LRMDA: variants seen among roughly 807,000 people sequenced by gnomAD.
LRMDA encodes leucine-rich melanocyte differentiation-associated protein.
A neutral mutation model predicts 29.8 loss-of-function variants in LRMDA; 18 were observed. The ratio of observed to expected loss-of-function variants is 0.60; its 90% confidence interval spans 0.42 to 0.90. LRMDA has a LOEUF of 0.90. Ranked by LOEUF, LRMDA falls within the 40% of genes least tolerant of loss-of-function variation. The pLI is 0.00. For missense variants in LRMDA, 273 were observed against 273.9 expected, an observed-to-expected ratio of 1.00 and a Z score of 0.02; for synonymous variants, 125 against 109.4, an observed-to-expected ratio of 1.14 and a Z score of -0.89.
chr10:76,298,104 G>A (rs967789532), intron 5 of LRMDA, among the ~76,000 whole-genome samples: 1 of 152,214 alleles, frequency 6.6e-6, no homozygotes, highest in Non-Finnish European at 1.5e-5. Flanking sequence ...CATGCCTTGC[G>A]AGCAACAAAA....
At chr10:75,688,303 A>G (rs911775976) in intron 2 of LRMDA, among the ~76,000 whole-genome samples, 24 of 152,372 alleles carry the variant, frequency 1.6e-4, no homozygotes, top group African/African-American at 5.3e-4. Context: ...CATGAGAGGA[A>G]TCATAAAATA....
intron 2 of LRMDA, among the ~76,000 whole-genome samples, chr10:75,593,659 A>G (rs1840749859): frequency 2.0e-5 from 3 of 152,256 alleles, no homozygotes; most frequent in Admixed American, 2.0e-4. Flanking sequence ...CCCCTTAACA[A>G]TTACAGATTT....
chr10:75,803,373 C>T lies in LRMDA; in HGVS notation c.132-232635C>T, dbSNP rs184262458. Among the ~76,000 whole-genome samples, 24 of 152,304 alleles carry T rather than the reference C, an allele frequency of 1.6e-4. No individual in the cohort carries two copies. In the East Asian group the frequency reaches 3.9e-3, roughly 24 times the overall value. On this transcript the variant is annotated intron_variant, in intron 2 of 6. Coordinates refer to ENST00000611255, the MANE Select transcript of LRMDA (RefSeq NM_001305581.2). ...AGATGAGGAAGCACATAGTATCATT[C>T]GGCCTTTTATACAGGTCCACTGGTT...
At chr10:76,533,671 A>G (rs1843260615) in intron 6 of LRMDA, among the ~76,000 whole-genome samples, 2 of 152,242 alleles carry the variant, frequency 1.3e-5, no homozygotes, top group East Asian at 1.9e-4. Context: ...TTATACTTTG[A>G]TACTAAAATA....
chr10:76,254,913 C>T (rs1852564871), intron 5 of LRMDA, among the ~76,000 whole-genome samples: 2 of 152,178 alleles, frequency 1.3e-5, no homozygotes, highest in South Asian at 2.1e-4. Flanking sequence ...GCCTCCTCCT[C>T]GCATTTGGGT....
At chr10:75,617,080 A>G (rs1841112944) in intron 2 of LRMDA, among the ~76,000 whole-genome samples, 1 of 152,210 alleles carries the variant, frequency 6.6e-6, no homozygotes, top group Non-Finnish European at 1.5e-5. Flanking sequence ...CATTTGGGAA[A>G]AAGGCACTCT....
At chr10:76,350,289 T>C (rs564156619) in intron 6 of LRMDA, among the ~76,000 whole-genome samples, 6 of 152,200 alleles carry the variant, frequency 3.9e-5, no homozygotes, top group Non-Finnish European at 5.9e-5. Flanking sequence ...ATTTTACATA[T>C]GTTATATTTG....
At chr10:76,293,828 C>T (rs935705227) in intron 5 of LRMDA, among the ~76,000 whole-genome samples, 1 of 152,190 alleles carries the variant, frequency 6.6e-6, no homozygotes, top group Non-Finnish European at 1.5e-5. Context: ...AGAAATAACT[C>T]AAGACCCTTA....
At chr10:76,276,053 C>CT (rs150054728) in intron 5 of LRMDA, among the ~76,000 whole-genome samples, 2 of 139,936 alleles carry the variant, frequency 1.4e-5, no homozygotes, top group Non-Finnish European at 3.1e-5. Context: ...ATCTATCTAT[C>CT]TCTTTCTTTC....
At chr10:75,836,078 TTAAATGG>T (rs1193540922) in intron 2 of LRMDA, among the ~76,000 whole-genome samples, 6 of 152,108 alleles carry the variant, frequency 3.9e-5, no homozygotes, top group African/African-American at 9.7e-5. Flanking sequence ...TCAGGGCGAC[TTAAATGG>T]TAAAATCTGA....
chr10:76,057,133 C>G (rs1007360638), intron 4 of LRMDA, among the ~76,000 whole-genome samples: 2 of 152,142 alleles, frequency 1.3e-5, no homozygotes, highest in Non-Finnish European at 2.9e-5. Flanking sequence ...TTCCTTGATG[C>G]CCATTTGAGA....
intron 5 of LRMDA, among the ~76,000 whole-genome samples, chr10:76,091,805 C>A (rs1218423249): frequency 6.6e-6 from 1 of 152,138 alleles, no homozygotes; most frequent in Non-Finnish European, 1.5e-5. Flanking sequence ...CCTGCCTCAG[C>A]CTCCTGAGTA....
intron 2 of LRMDA, among the ~76,000 whole-genome samples, chr10:75,590,695 A>ACCTAACT (rs1294432728): frequency 1.5e-5 from 2 of 137,206 alleles, no homozygotes; most frequent in Non-Finnish European, 3.1e-5. Flanking sequence ...CTTGAGATGT[A>ACCTAACT]CCTAACTCCT....
chr10:76,410,567 C>T (rs148223680), intron 6 of LRMDA, among the ~76,000 whole-genome samples: 1,875 of 152,076 alleles, frequency 0.012, 28 homozygotes, highest in African/African-American at 0.043. Context: ...CCTTGGCTTC[C>T]CAAAGTGCTG....
intron 2 of LRMDA, among the ~76,000 whole-genome samples, chr10:75,524,947 G>C (rs1407037797): frequency 6.6e-6 from 1 of 152,108 alleles, no homozygotes; most frequent in Non-Finnish European, 1.5e-5. Context: ...GTCCAGTGGT[G>C]GTGGGACTTA....
At position 75,831,551 on chromosome 10, in the gene LRMDA, G is replaced by C. The variant is rs527315288; in HGVS notation, c.132-204457G>C. Among the ~76,000 whole-genome samples the C allele has an allele frequency of 9.9e-5, 15 of 152,220 alleles. No homozygotes were observed. In the South Asian group the frequency reaches 3.1e-3, roughly 32 times the overall value. ...TTCCAGGTGCATGGTACAAACTGTT[G>C]GTGGATCTACCATTCTGGGGTCTGG... On this transcript the variant is annotated intron_variant, in intron 2 of 6. Transcript: ENST00000611255.
intron 2 of LRMDA, among the ~76,000 whole-genome samples, chr10:75,703,551 G>T (rs1305991618): frequency 6.6e-6 from 1 of 152,174 alleles, no homozygotes; most frequent in Non-Finnish European, 1.5e-5. Flanking sequence ...ACTTAGCATG[G>T]ATTTGTGTGA....
chr10:75,810,812 C>G (rs1238889943), intron 2 of LRMDA, among the ~76,000 whole-genome samples: 2 of 152,178 alleles, frequency 1.3e-5, no homozygotes, highest in African/African-American at 4.8e-5. Context: ...AGAGGAGGTG[C>G]CTGAGCAGGA....
intron 1 of LRMDA, among the ~76,000 whole-genome samples, chr10:75,436,056 TAA>T (rs201038266): frequency 0.026 from 3,269 of 126,938 alleles, 113 homozygotes; most frequent in African/African-American, 0.084. Flanking sequence ...CCCATCTCTT[TAA>T]AAAAAAAAAA....
Sources: gnomAD v4.1 joint callset for allele counts (sites outside exome capture counted in the v4.1 genomes callset) on GRCh38, gnomAD v4.1.1 for gene constraint, MANE v1.5 for transcripts, NCBI Gene and HGNC (gene_info 2026-07-23, HGNC 2026-07-21) for gene names.